Variants in NEK7 observed in about 807,000 individuals in gnomAD.
NEK7 encodes NIMA related kinase 7.
In NEK7, 18 loss-of-function variants were observed where a neutral mutation model predicts 44.6. The ratio of observed to expected loss-of-function variants is 0.40; its 90% CI spans 0.28 to 0.60. The LOEUF is 0.60. Ranked by LOEUF, NEK7 falls within the 20% of genes least tolerant of loss-of-function variation. NEK7 has a pLI of 0.38. For missense variants in NEK7, 256 were observed against 366.5 expected (o/e 0.70, Z 2.46); for synonymous variants, 130 against 121.1 (o/e 1.07, Z -0.48).
At chr1:198,301,296 G>C (rs370206157) in intron 9 of NEK7, among the ~76,000 whole-genome samples, 1 of 152,144 alleles carries the variant, frequency 6.6e-6, no homozygotes. Flanking sequence ...CACGCCTGTA[G>C]TCCCAGCACT....
At chr1:198,271,335 A>G (rs1162959559) in intron 5 of NEK7, among the ~76,000 whole-genome samples, 1 of 152,032 alleles carries the variant, frequency 6.6e-6, no homozygotes, top group Admixed American at 6.6e-5. Flanking sequence ...GGATTATACA[A>G]CAGGACTTGA....
intron 1 of NEK7, among the ~76,000 whole-genome samples, chr1:198,166,137 C>A (rs1028139837): frequency 6.6e-6 from 1 of 152,198 alleles, no homozygotes; most frequent in Non-Finnish European, 1.5e-5. Flanking sequence ...CTATCCAGAC[C>A]GCTAAAACTT....
intron 1 of NEK7, among the ~76,000 whole-genome samples, chr1:198,203,618 C>T (rs1212051537): frequency 1.3e-5 from 2 of 152,148 alleles, no homozygotes; most frequent in Non-Finnish European, 2.9e-5. Flanking sequence ...AGAATAAAGC[C>T]CCTTTTCATC....
chr1:198,248,649 G>A (rs949022334), intron 2 of NEK7, among the ~76,000 whole-genome samples: 1 of 152,164 alleles, frequency 6.6e-6, no homozygotes, highest in African/African-American at 2.4e-5. Flanking sequence ...CTTTGCAGAA[G>A]TTAAATAACT....
intron 3 of NEK7, among the ~76,000 whole-genome samples, chr1:198,261,791 A>T (rs1022056286): frequency 1.3e-5 from 2 of 151,804 alleles, no homozygotes; most frequent in African/African-American, 4.8e-5. Flanking sequence ...TTATGTTTTT[A>T]ACAGTAGGTT....
intron 3 of NEK7, chr1:198,256,634 T>C (rs773860227): frequency 1.3e-4 from 119 of 931,330 alleles, no homozygotes; most frequent in Non-Finnish European, 1.7e-4. Context: ...CTAGTGTTTA[T>C]TGGTCAGTGT....
chr1:198,159,102 G>C (rs1349667507), intron 1 of NEK7, among the ~76,000 whole-genome samples: 1 of 152,240 alleles, frequency 6.6e-6, no homozygotes, highest in Admixed American at 6.5e-5. Context: ...GTGCGGGCCT[G>C]AAATTCCGCT....
intron 9 of NEK7, among the ~76,000 whole-genome samples, chr1:198,317,884 T>A (rs1034513000): frequency 8.4e-5 from 12 of 143,300 alleles, no homozygotes; most frequent in East Asian, 3.9e-4. Context: ...TTTATTTTTT[T>A]TTTTTTTTTT....
intron 2 of NEK7, among the ~76,000 whole-genome samples, chr1:198,243,085 A>G (rs1286247930): frequency 1.3e-5 from 2 of 151,974 alleles, no homozygotes; most frequent in African/African-American, 4.8e-5. Flanking sequence ...TTTCTTCCTT[A>G]AGACATTTTC....
At position 198,321,139 on chromosome 1, in the gene NEK7, T is replaced by C. The variant is rs1353742463; in HGVS notation, c.*1617T>C. The C allele has an allele frequency of 1.3e-5, 2 of 152,220 alleles. No individual in the cohort carries two copies. The highest frequency in any genetic ancestry group is 2.9e-5 in the Non-Finnish European group (2 of 68,034). 9.4% of individuals were successfully genotyped at this position (152,220 alleles called of 1,614,324 possible). ...GTTTTGTTTTTCATATGTGTTTTTCTTACACTCATTTGAATGCTTTCAAGC... is the reference window on the plus strand; with the variant it reads ...GTTTTGTTTTTCATATGTGTTTTTCCTACACTCATTTGAATGCTTTCAAGC... On this transcript the variant is annotated 3_prime_UTR_variant, in exon 10 of 10. Coordinates refer to ENST00000367385, the MANE Select transcript of NEK7 (RefSeq NM_133494.3).
chr1:198,171,633 T>C (rs1345274161), intron 1 of NEK7, among the ~76,000 whole-genome samples: 1 of 151,634 alleles, frequency 6.6e-6, no homozygotes, highest in Admixed American at 6.6e-5. Flanking sequence ...GAGCTGAGAT[T>C]GTGCAACTGC....
chr1:198,318,595 T>A (rs1302335030), intron 9 of NEK7, among the ~76,000 whole-genome samples: 2 of 152,144 alleles, frequency 1.3e-5, no homozygotes, highest in East Asian at 3.8e-4. Context: ...CAAAAGAATA[T>A]AGTTTTTCCT....
At chr1:198,247,739 T>G (rs1362368036) in intron 2 of NEK7, among the ~76,000 whole-genome samples, 1 of 151,874 alleles carries the variant, frequency 6.6e-6, no homozygotes, top group African/African-American at 2.4e-5. Context: ...GAGAAAACAT[T>G]GGGTTTGAAT....
At chr1:198,176,761 G>C (rs1440248424) in intron 1 of NEK7, among the ~76,000 whole-genome samples, 1 of 152,058 alleles carries the variant, frequency 6.6e-6, no homozygotes, top group African/African-American at 2.4e-5. Flanking sequence ...AGAGGTAAGG[G>C]AGTAAAAGTT....
intron 7 of NEK7, among the ~76,000 whole-genome samples, chr1:198,288,947 A>G (rs529841186): frequency 6.6e-6 from 1 of 152,284 alleles, no homozygotes; most frequent in African/African-American, 2.4e-5. Context: ...GACAAATTTT[A>G]TTTTATAAAT....
At chr1:198,253,796 CCTGGAGT>C (rs1250018785) in intron 3 of NEK7, among the ~76,000 whole-genome samples, 1 of 152,080 alleles carries the variant, frequency 6.6e-6, no homozygotes, top group Admixed American at 6.6e-5. Context: ...CTGCCCTAAC[CCTGGAGT>C]TGCAGTCCAA....
chr1:198,250,115 A>C (rs958979522), intron 2 of NEK7, among the ~76,000 whole-genome samples: 1 of 149,656 alleles, frequency 6.7e-6, no homozygotes, highest in African/African-American at 2.5e-5. Context: ...CAGTTTTCCC[A>C]GCACCGTTTA....
chr1:198,205,629 G>T (rs1267114263), intron 1 of NEK7, among the ~76,000 whole-genome samples: 4 of 151,928 alleles, frequency 2.6e-5, no homozygotes, highest in Admixed American at 2.6e-4. Flanking sequence ...ATTAATAAAT[G>T]AAAAGTATTT....
At chr1:198,160,093 T>A (rs1216111735) in intron 1 of NEK7, among the ~76,000 whole-genome samples, 1 of 152,210 alleles carries the variant, frequency 6.6e-6, no homozygotes, top group African/African-American at 2.4e-5. Context: ...GAGATATCAT[T>A]AGAGACTTTT....
Sources: gnomAD v4.1 joint callset for allele counts (sites outside exome capture counted in the v4.1 genomes callset) on GRCh38, gnomAD v4.1.1 for gene constraint, MANE v1.5 for transcripts, NCBI Gene and HGNC (gene_info 2026-07-23, HGNC 2026-07-21) for gene names.